Variants in CDH12 observed in about 807,000 individuals in gnomAD.
CDH12 encodes cadherin 12.
Under a neutral mutation model 74.1 loss-of-function variants are expected in CDH12, and 41 were observed. The ratio of observed to expected loss-of-function variants is 0.55; its 90% confidence interval spans 0.43 to 0.72. The LOEUF (loss-of-function observed/expected upper bound fraction) is 0.72. CDH12 is among the 30% of genes least tolerant of loss of function. The pLI is 0.00. For missense variants in CDH12, 945 were observed against 977.2 expected (o/e 0.97, Z 0.44); for synonymous variants, 399 against 355.0 (o/e 1.12, Z -1.39).
At chr5:22,003,115 G>T (rs1309617421) in intron 5 of CDH12, among the ~76,000 whole-genome samples, 5 of 151,786 alleles carry the variant, frequency 3.3e-5, no homozygotes, top group Non-Finnish European at 7.4e-5. Flanking sequence ...TATTGCCAGA[G>T]AATGGAATTT....
At chr5:22,241,435 T>C (rs1303461554) in intron 3 of CDH12, among the ~76,000 whole-genome samples, 1 of 152,096 alleles carries the variant, frequency 6.6e-6, no homozygotes, top group African/African-American at 2.4e-5. Context: ...AGATATGGTG[T>C]CAATCAAACA....
At chr5:22,196,194 G>A (rs1750609761) in intron 4 of CDH12, among the ~76,000 whole-genome samples, 1 of 146,504 alleles carries the variant, frequency 6.8e-6, no homozygotes, top group Non-Finnish European at 1.5e-5. Flanking sequence ...CGCCAGGCTT[G>A]AGTGCAGTGG....
In CDH12 at chr5:22,186,471, G is replaced by T. The variant is rs572347667; in HGVS notation, c.-187+26027C>A. Among the ~76,000 whole-genome samples the T allele has an allele frequency of 5.9e-5, 9 of 152,222 alleles. No individual in the cohort carries two copies. The East Asian group carries it at 1.7e-3, about 29-fold the overall frequency. On this transcript the variant is annotated intron_variant, in intron 4 of 14. Transcript: ENST00000382254. ...CCAAAATCTACAGGATTTGTGTTTG[G>T]TTTTTTGTTTGTTTTTTGAGACAGA...
chr5:22,610,294 T>C (rs1212817220), intron 1 of CDH12, among the ~76,000 whole-genome samples: 2 of 152,202 alleles, frequency 1.3e-5, no homozygotes, highest in Non-Finnish European at 2.9e-5. Context: ...AACATCCATT[T>C]TGGACTTCAG....
intron 1 of CDH12, among the ~76,000 whole-genome samples, chr5:22,656,326 T>G (rs1005634682): frequency 4.6e-5 from 7 of 152,324 alleles, no homozygotes; most frequent in Non-Finnish European, 1.0e-4. Context: ...TAAAAAGGTG[T>G]TCAAGCCACT....
chr5:22,520,724 A>G lies in CDH12; in HGVS notation c.-522-15360T>C, dbSNP rs566725624. Among the ~76,000 whole-genome samples, 13 of 152,262 alleles carry G rather than the reference A, an allele frequency of 8.5e-5. No homozygotes were observed. The South Asian group carries it at 2.7e-3, about 32-fold the overall frequency. On this transcript the variant is annotated intron_variant, in intron 1 of 14. Transcript: ENST00000382254. The stretch of plus-strand genomic sequence containing the variant: ...CTTCAGTGATCGTTATATAAAGCAA[A>G]CAGGACTTATTAGTTGGTGTTTTAG...
intron 3 of CDH12, among the ~76,000 whole-genome samples, chr5:22,299,663 C>A (rs1165342990): frequency 6.6e-6 from 1 of 152,116 alleles, no homozygotes; most frequent in Non-Finnish European, 1.5e-5. Flanking sequence ...TTTCCCAGGT[C>A]TAAATTTCTG....
chr5:22,667,050 C>A (rs773137987), intron 1 of CDH12, among the ~76,000 whole-genome samples: 1 of 152,168 alleles, frequency 6.6e-6, no homozygotes. Flanking sequence ...AGGATCCTTG[C>A]ACACATTAGT....
intron 3 of CDH12, among the ~76,000 whole-genome samples, chr5:22,353,069 A>C (rs535342839): frequency 6.6e-6 from 1 of 152,292 alleles, no homozygotes; most frequent in South Asian, 2.1e-4. Context: ...TTACCATGAC[A>C]CAATTTGTGA....
intron 6 of CDH12, among the ~76,000 whole-genome samples, chr5:21,924,773 A>C (rs1243232104): frequency 6.6e-6 from 1 of 152,090 alleles, no homozygotes; most frequent in Non-Finnish European, 1.5e-5. Context: ...GTGATGTGAA[A>C]ATTTTGCTTA....
At chr5:21,936,189 A>T (rs1248719793) in intron 6 of CDH12, among the ~76,000 whole-genome samples, 3 of 152,154 alleles carry the variant, frequency 2.0e-5, no homozygotes, top group Non-Finnish European at 2.9e-5. Flanking sequence ...TAAGGGTCAT[A>T]CTAATGTACA....
chr5:22,281,188 A>C (rs1736863127), intron 3 of CDH12, among the ~76,000 whole-genome samples: 1 of 152,190 alleles, frequency 6.6e-6, no homozygotes, highest in African/African-American at 2.4e-5. Flanking sequence ...TCATGCTAAA[A>C]ACTCTCAATA....
At chr5:22,841,534 G>A (rs896833073) in intron 1 of CDH12, among the ~76,000 whole-genome samples, 1 of 152,100 alleles carries the variant, frequency 6.6e-6, no homozygotes, top group South Asian at 2.1e-4. Context: ...ATATATTTGG[G>A]AGTTTTCAGC....
intron 1 of CDH12, among the ~76,000 whole-genome samples, chr5:22,541,944 T>C (rs1738120454): frequency 6.6e-6 from 1 of 152,196 alleles, no homozygotes; most frequent in Non-Finnish European, 1.5e-5. Context: ...TTGAGCAGAA[T>C]TGATTCATGG....
chr5:22,594,596 G>A (rs999909849), intron 1 of CDH12, among the ~76,000 whole-genome samples: 3 of 151,942 alleles, frequency 2.0e-5, no homozygotes, highest in African/African-American at 7.2e-5. Context: ...TCCTGACATA[G>A]AGTATAAGCT....
intron 1 of CDH12, among the ~76,000 whole-genome samples, chr5:22,747,490 T>G (rs777328358): frequency 6.8e-6 from 1 of 146,194 alleles, no homozygotes; most frequent in Admixed American, 6.9e-5. Context: ...AAAAATTGGC[T>G]GGGTATGGTT....
chr5:22,064,331 C>A (rs1298199911), intron 5 of CDH12, among the ~76,000 whole-genome samples: 1 of 152,098 alleles, frequency 6.6e-6, no homozygotes, highest in Non-Finnish European at 1.5e-5. Context: ...GTATCTATGT[C>A]TCTTTAGATA....
At chr5:22,627,589 CA>C (rs896400657) in intron 1 of CDH12, among the ~76,000 whole-genome samples, 17 of 152,088 alleles carry the variant, frequency 1.1e-4, no homozygotes, top group African/African-American at 3.6e-4. Flanking sequence ...TAAGGGTGTG[CA>C]AAACAGGAAA....
chr5:22,639,650 C>T (rs1739039330), intron 1 of CDH12, among the ~76,000 whole-genome samples: 1 of 151,982 alleles, frequency 6.6e-6, no homozygotes, highest in Non-Finnish European at 1.5e-5. Flanking sequence ...TTCCAGTTTC[C>T]AAAGGCTTAA....
Sources: gnomAD v4.1 joint callset for allele counts (sites outside exome capture counted in the v4.1 genomes callset) on GRCh38, gnomAD v4.1.1 for gene constraint, MANE v1.5 for transcripts, NCBI Gene and HGNC (gene_info 2026-07-23, HGNC 2026-07-21) for gene names.